The following FAM199X variants were observed in gnomAD, a reference collection of about 807,000 sequenced individuals.
FAM199X encodes the protein protein FAM199X.
In FAM199X, 4 loss-of-function variants were observed where a neutral mutation model predicts 22.9. That is an observed-to-expected ratio of 0.17 (90% CI 0.09 to 0.40). The LOEUF (loss-of-function observed/expected upper bound fraction) is 0.40, where lower values mean the gene tolerates loss of function less well. Among genes scored for constraint, FAM199X ranks in the 10% least tolerant of loss-of-function variants. The pLI is 1.00. For missense variants in FAM199X, 183 were observed against 306.8 expected, an observed-to-expected ratio of 0.60 and a Z score of 3.01; for synonymous variants, 101 against 112.3, an observed-to-expected ratio of 0.90 and a Z score of 0.64.
rs1922002641 is a variant in FAM199X at position 104,194,045 on chromosome X, T to C, written c.*4267T>C. The C allele has an allele frequency of 9.0e-6, 1 of 111,589 alleles. No individual in the cohort carries two copies. Among genetic ancestry groups the C allele is most frequent in the Admixed American group, 9.6e-5 (1 of 10,466 alleles). The allele number at this position is 111,589 out of a possible 1,213,427, so 9.2% of individuals were successfully genotyped here. On this transcript the variant is annotated 3_prime_UTR_variant, in exon 6 of 6. Coordinates refer to ENST00000493442, the MANE Select transcript of FAM199X (RefSeq NM_207318.4). ...AAGATCTGAGTTGACTCACTGAAAT[T>C]TTATTTTCTTATTTTTTTAACATTA...
At chrX:104,181,968 TTTTTTTC>T (rs1452758726) in intron 2 of FAM199X, among the ~76,000 whole-genome samples, 8 of 109,813 alleles carry the variant, frequency 7.3e-5, no homozygotes, top group Non-Finnish European at 1.5e-4. Flanking sequence ...GCTTTGTAAT[TTTTTTTC>T]TTTTTTCTTT....
chrX:104,170,271 T>C (rs1304658793), intron 1 of FAM199X, among the ~76,000 whole-genome samples: 5 of 112,113 alleles, frequency 4.5e-5, no homozygotes, highest in Non-Finnish European at 9.4e-5. Flanking sequence ...GTAACACCCA[T>C]AGTTTTCCTA....
chrX:104,175,542 T>C, intron 1 of FAM199X, 81 bp from the exon 2 acceptor site: 2 of 831,061 alleles, frequency 2.4e-6, no homozygotes, highest in Admixed American at 6.3e-5. Flanking sequence ...ATAAATGTTA[T>C]AAATATGTCC....
In FAM199X at chrX:104,189,753, A is replaced by T. The variant is rs781786612; in HGVS notation, c.1142A>T (p.Glu381Val). ...TTGAAAGTGACTGAGGAAGACCATG[A>T]AGCAGATGTTGATGTTTTGATGTAA... is the stretch of plus-strand genomic sequence containing the variant. The part of the protein sequence containing the change: ...LSLKVTEEDH[E>V]ADVDVLM The change falls in exon 6 of 6, where the codon GAA becomes GTA. Residue 381 changes from glutamate to valine, a missense_variant. Physicochemically the swap from Glu to Val is moderately radical, Grantham distance 121. Around this residue, in one of 2 missense-constraint regions of FAM199X, gnomAD observed 128 missense variants for 246.2 expected, o/e 0.52. Coordinates refer to ENST00000493442, the MANE Select transcript of FAM199X (RefSeq NM_207318.4). 1 of 1,210,872 alleles carries T rather than the reference A, an allele frequency of 8.3e-7. No homozygotes were observed.
intron 1 of FAM199X, 51 bp downstream of exon 1, chrX:104,167,033 C>T (rs1556374158): frequency 9.6e-7 from 1 of 1,042,878 alleles, no homozygotes; most frequent in South Asian, 2.5e-5. Context: ...CTGGTCGCCC[C>T]CCGCTCCTGA....
At position 104,184,456 on chromosome X, in the gene FAM199X, G is replaced by A. The variant is rs781843696; in HGVS notation, c.418-1610G>A. Among the ~76,000 whole-genome samples the A allele has an allele frequency of 2.4e-4, 27 of 111,841 alleles. 1 individual carries two copies. Among genetic ancestry groups the A allele is most frequent in the Non-Finnish European group, 3.8e-4 (20 of 53,205 alleles). ...GTAGAAGAAAAGACTTTACCTTTTT[G>A]ATGAATGACTTAAATATATTTATTT... On this transcript the variant is annotated intron_variant, in intron 2 of 5. Transcript: ENST00000493442.
intron 2 of FAM199X, 94 bp from the exon 3 acceptor site, chrX:104,185,972 C>G: frequency 1.1e-6 from 1 of 920,299 alleles, no homozygotes; most frequent in Admixed American, 2.9e-5. Flanking sequence ...CATAAACTAA[C>G]TTTTAATCGA....
intron 2 of FAM199X, among the ~76,000 whole-genome samples, chrX:104,177,334 A>G (rs1300132038): frequency 1.8e-5 from 2 of 111,113 alleles, no homozygotes; most frequent in South Asian, 7.5e-4. Context: ...GTGTAGATGT[A>G]CAGTACCACA....
chrX:104,187,420 C>G (rs1262844160), intron 4 of FAM199X, among the ~76,000 whole-genome samples: 1 of 111,884 alleles, frequency 8.9e-6, no homozygotes, highest in Non-Finnish European at 1.9e-5. Context: ...TGTTCTTTTT[C>G]TGGTACGTAG....
At position 104,194,114 on chromosome X, in the gene FAM199X, A is replaced by G. The variant is rs1419314420; in HGVS notation, c.*4336A>G. On this transcript the variant is annotated 3_prime_UTR_variant, in exon 6 of 6. Coordinates refer to ENST00000493442, the MANE Select transcript of FAM199X (RefSeq NM_207318.4). ...TCTCCCTCTAGTTATTTTTTAAATT[A>G]AGGTAATTACTGTTTTAACCTAGAG... The G allele has an allele frequency of 8.9e-6, 1 of 111,848 alleles. No homozygotes were observed. The highest frequency in any genetic ancestry group is 9.5e-5 in the Admixed American group (1 of 10,518). The allele number at this position is 111,848 out of a possible 1,213,427, so 9.2% of individuals were successfully genotyped here. A position where few individuals can be genotyped will look rare whatever the true frequency, so the allele number is the denominator to read the frequency against.
At position 104,188,064 on chromosome X, in the gene FAM199X, A is replaced by G; in HGVS notation, c.754A>G (p.Ser252Gly). ...KQVRNYIKEH[S>G]PRQRPAREAW... ...GGTCAGAAACTATATCAAGGAACAT[A>G]GCCCTCGCCAACGGCCTGCAAGAGA... is the stretch of plus-strand genomic sequence containing the variant. Residue 252 changes from serine to glycine, a missense_variant, in exon 5 of 6, where the codon AGC becomes GGC. Physicochemically the swap from Ser to Gly is moderately conservative, Grantham distance 56. Around this residue, in one of 2 missense-constraint regions of FAM199X, gnomAD observed 128 missense variants for 246.2 expected, o/e 0.52. Transcript: ENST00000493442. 8.3e-7 allele frequency: 1 copy of G among 1,211,799 alleles called. No individual in the cohort carries two copies. The highest frequency in any genetic ancestry group is 1.1e-6 in the Non-Finnish European group (1 of 895,486).
chrX:104,176,503 C>G (rs1050563768), intron 2 of FAM199X, among the ~76,000 whole-genome samples: 1 of 112,240 alleles, frequency 8.9e-6, no homozygotes, highest in African/African-American at 3.2e-5. Flanking sequence ...AGATTTTATT[C>G]GCTAGATAAA....
rs1036349869 is a variant in FAM199X at position 104,176,569 on chromosome X, A to G, written c.417+727A>G. The stretch of plus-strand genomic sequence containing the variant: ...TGAATACTTGAAGTTTTATTCCAAA[A>G]GAGGGATTGAATATTATAATTTCAA... On this transcript the variant is annotated intron_variant, in intron 2 of 5. Transcript: ENST00000493442. 4.4e-5 allele frequency among the ~76,000 whole-genome samples: 5 copies of G among 112,689 alleles called. No individual in the cohort carries two copies. The Admixed American group carries it at 4.7e-4, about 11-fold the overall frequency.
intron 1 of FAM199X, among the ~76,000 whole-genome samples, chrX:104,170,248 T>C (rs1292033103): frequency 1.8e-5 from 2 of 112,030 alleles, no homozygotes; most frequent in Non-Finnish European, 1.9e-5. Flanking sequence ...CTAAAGACTA[T>C]TGTGTGCCTT....
In FAM199X at chrX:104,191,331, A is replaced by G. The variant is rs1921935788; in HGVS notation, c.*1553A>G. The G allele has an allele frequency of 8.9e-6, 1 of 112,257 alleles. No homozygotes were observed. The highest frequency in any genetic ancestry group is 3.2e-5 in the African/African-American group (1 of 30,981). 9.3% of individuals were successfully genotyped at this position (112,257 alleles called of 1,213,427 possible). ...TAAAGAATGGAAACTGGGGATAAAA[A>G]TTAATACACTGCAGCTTTGCCAAGG... On this transcript the variant is annotated 3_prime_UTR_variant, in exon 6 of 6. Coordinates refer to ENST00000493442, the MANE Select transcript of FAM199X (RefSeq NM_207318.4).
chrX:104,187,054 C>T (rs1484757563), intron 4 of FAM199X, among the ~76,000 whole-genome samples: 1 of 110,187 alleles, frequency 9.1e-6, no homozygotes, highest in Non-Finnish European at 1.9e-5. Flanking sequence ...AATTTTCCCT[C>T]TGCTGTTCTG....
chrX:104,177,311 C>T (rs1921515656), intron 2 of FAM199X, among the ~76,000 whole-genome samples: 1 of 112,062 alleles, frequency 8.9e-6, no homozygotes. Context: ...CTTTCTATGG[C>T]TAATATTCCA....
chrX:104,175,381 C>T (rs782794133), intron 1 of FAM199X, among the ~76,000 whole-genome samples: 6 of 111,314 alleles, frequency 5.4e-5, no homozygotes, highest in Admixed American at 9.6e-5. Context: ...TATTCATATA[C>T]GGCATCATGC....
chrX:104,176,073 C>A (rs1167048385), intron 2 of FAM199X, among the ~76,000 whole-genome samples: 1 of 111,269 alleles, frequency 9.0e-6, no homozygotes, highest in South Asian at 3.7e-4. Flanking sequence ...TTATTTAATA[C>A]TTGCGTAATA....
Sources: gnomAD v4.1 joint callset for allele counts (sites outside exome capture counted in the v4.1 genomes callset) on GRCh38, gnomAD v4.1.1 for gene constraint, gnomAD v4.1.1 regional missense constraint, MANE v1.5 for transcripts, NCBI Gene and HGNC (gene_info 2026-07-23, HGNC 2026-07-21) for gene names.